Variants in NLRP4 observed in about 807,000 individuals in gnomAD.
NLRP4 encodes NACHT, LRR and PYD domains-containing protein 4.
In NLRP4, 44 loss-of-function variants were observed where a neutral mutation model predicts 84.7. The ratio of observed to expected loss-of-function variants is 0.52; its 90% CI spans 0.41 to 0.67. NLRP4 has a LOEUF of 0.67. Among genes scored for constraint, NLRP4 ranks in the 30% least tolerant of loss-of-function variants. The pLI is 0.00. For synonymous variants in NLRP4, 544 were observed against 476.4 expected (o/e 1.14, Z -1.85); for missense variants, 1,260 against 1,219.4 (o/e 1.03, Z -0.50).
intron 7 of NLRP4, among the ~76,000 whole-genome samples, chr19:55,876,232 ACCT>A (rs1379830502): frequency 6.6e-6 from 1 of 152,116 alleles, no homozygotes; most frequent in East Asian, 1.9e-4. Context: ...GAGAGGATAG[ACCT>A]CCAACAAACG....
intron 7 of NLRP4, among the ~76,000 whole-genome samples, chr19:55,876,362 G>A (rs1985371774): frequency 6.6e-6 from 1 of 152,048 alleles, no homozygotes; most frequent in Non-Finnish European, 1.5e-5. Flanking sequence ...CATAGTGTGT[G>A]TTTTGAGACA....
chr19:55,849,978 CGGTGTAATTTCCGAGACT>C (rs1568658270), intron 1 of NLRP4, among the ~76,000 whole-genome samples: 1 of 110,178 alleles, frequency 9.1e-6, no homozygotes, highest in African/African-American at 5.4e-5. Flanking sequence ...TCCGTAGCTG[CGGTGTAATTTCCGAGACT>C]GCGGTGTGAT....
At chr19:55,854,997 T>G (rs1984355814) in intron 2 of NLRP4, among the ~76,000 whole-genome samples, 1 of 152,196 alleles carries the variant, frequency 6.6e-6, no homozygotes, top group Admixed American at 6.5e-5. Flanking sequence ...GGGCTAGGAT[T>G]ACAGGTGTGA....
chr19:55,879,076 T>G, intron 9 of NLRP4, 112 bp downstream of exon 9: 3 of 837,804 alleles, frequency 3.6e-6, no homozygotes, highest in Non-Finnish European at 5.6e-6. Flanking sequence ...ATGTTCCTTG[T>G]CTCAGGGTTG....
At chr19:55,856,659 GCACA>G (rs1241436486) in intron 2 of NLRP4, among the ~76,000 whole-genome samples, 6 of 151,774 alleles carry the variant, frequency 4.0e-5, no homozygotes, top group Admixed American at 1.3e-4. Context: ...GGGACTACAG[GCACA>G]CACCACCACG....
At chr19:55,849,951 GAGAC>G (rs1568658152) in intron 1 of NLRP4, among the ~76,000 whole-genome samples, 2 of 128,762 alleles carry the variant, frequency 1.6e-5, no homozygotes, top group African/African-American at 3.1e-5. Flanking sequence ...TGTAATTTCC[GAGAC>G]TGCGGTGTAA....
chr19:55,862,234 C>G, intron 5 of NLRP4, 75 bp downstream of exon 5: 1 of 773,700 alleles, frequency 1.3e-6, no homozygotes, highest in Non-Finnish European at 2.0e-6. Context: ...TTATTGAGAC[C>G]ACTGATTAGG....
In NLRP4 at chr19:55,849,959, G is replaced by A. The variant is rs1042627594; in HGVS notation, c.-65-2057G>A. 2.4e-4 allele frequency among the ~76,000 whole-genome samples: 36 copies of A among 147,394 alleles called. 2 individuals are homozygous for A. Among genetic ancestry groups the A allele is most frequent in the Middle Eastern group, 3.6e-3 (1 of 280 alleles). On this transcript the variant is annotated intron_variant, in intron 1 of 9. Coordinates refer to ENST00000301295, the MANE Select transcript of NLRP4 (RefSeq NM_134444.5). ...GCCGCGGTGTAATTTCCGAGACTGC[G>A]GTGTAATTTCCGTAGCTGCGGTGTA...
At chr19:55,856,747 T>C (rs1010200635) in intron 2 of NLRP4, among the ~76,000 whole-genome samples, 5 of 152,090 alleles carry the variant, frequency 3.3e-5, no homozygotes, top group East Asian at 1.9e-4. Flanking sequence ...ATCTCTTGAC[T>C]TCATGATCTG....
rs1043442416 is a variant in NLRP4 at position 55,840,334 on chromosome 19, GTGTATGTGTA to G, written c.-66+3404_-66+3413del. 1.8e-4 allele frequency among the ~76,000 whole-genome samples: 22 copies of G among 120,208 alleles called. 1 individual carries two copies. The South Asian group carries it at 3.0e-3, about 16-fold the overall frequency. 78.9% of individuals were successfully genotyped at this position (120,208 alleles called of 152,430 possible). On this transcript the variant is annotated intron_variant, in intron 1 of 9. Coordinates refer to ENST00000301295, the MANE Select transcript of NLRP4 (RefSeq NM_134444.5). ...CGGGGGTGTGTGTGTATAGACATAT[GTGTATGTGTA>G]TGTGTGTGTGTGTGTGTGTGTGTGT...
chr19:55,858,201 C>G lies in NLRP4; in HGVS notation c.808C>G (p.Leu270Val). ...GAGCAGTTTGCTGAGGAAGAAGATGCTCCCGGAGGCCTCCCTGCTCATCGC... is the reference window on the plus strand; with the variant it reads ...GAGCAGTTTGCTGAGGAAGAAGATGGTCCCGGAGGCCTCCCTGCTCATCGC... ...LLSSLLRKKM[L>V]PEASLLIAIK... Residue 270 changes from leucine to valine, a missense_variant, in exon 3 of 10, where the codon CTC (leucine) becomes GTC (valine). Leu to Val is a conservative substitution (Grantham distance 32). Around this residue, in one of 3 missense-constraint regions of NLRP4, gnomAD observed 712 missense variants for 669.2 expected, o/e 1.06. Transcript: ENST00000301295. The surrounding 1 kb of genome is among the most constrained non-coding windows in gnomAD (Gnocchi z 4.2). 6.2e-7 allele frequency: 1 copy of G among 1,614,150 alleles called. No homozygotes were observed. Among genetic ancestry groups the G allele is most frequent in the Non-Finnish European group, 8.5e-7 (1 of 1,180,018 alleles).
chr19:55,881,136 CGTGTGTGTGT>C (rs56806641), intron 9 of NLRP4, among the ~76,000 whole-genome samples: 2 of 139,584 alleles, frequency 1.4e-5, no homozygotes, highest in Non-Finnish European at 3.1e-5. Context: ...GTGAGAGCCA[CGTGTGTGTGT>C]GTGTGTGTGT....
intron 1 of NLRP4, among the ~76,000 whole-genome samples, chr19:55,847,025 A>AGGG (rs1983825044): frequency 6.6e-6 from 1 of 152,158 alleles, no homozygotes; most frequent in Non-Finnish European, 1.5e-5. Flanking sequence ...CCCAGGTTCA[A>AGGG]GAGATTCTCA....
At chr19:55,861,698 T>A in intron 4 of NLRP4, 151 bp downstream of exon 4, 1 of 713,586 alleles carries the variant, frequency 1.4e-6, no homozygotes, top group Non-Finnish European at 2.4e-6. Flanking sequence ...CTCATGCAGA[T>A]CATTCTTCAT....
At chr19:55,871,491 T>G (rs1217896150) in intron 7 of NLRP4, among the ~76,000 whole-genome samples, 1 of 152,208 alleles carries the variant, frequency 6.6e-6, no homozygotes. Flanking sequence ...AAAGACTTAA[T>G]TTCATGTTAT....
At chr19:55,860,720 G>T (rs2123039351) in intron 3 of NLRP4, among the ~76,000 whole-genome samples, 1 of 152,338 alleles carries the variant, frequency 6.6e-6, no homozygotes, top group East Asian at 1.9e-4. Context: ...TTAGGGCTGA[G>T]CCTAGGCTGA....
chr19:55,853,791 TTCTCTC>T (rs746686465), intron 2 of NLRP4, among the ~76,000 whole-genome samples: 2 of 124,518 alleles, frequency 1.6e-5, no homozygotes, highest in Non-Finnish European at 3.2e-5. Flanking sequence ...CTGTCTCTCT[TTCTCTC>T]TCTCTCTCTT....
chr19:55,837,766 T>G (rs190040336), intron 1 of NLRP4, among the ~76,000 whole-genome samples: 100 of 152,288 alleles, frequency 6.6e-4, no homozygotes, highest in Middle Eastern at 3.4e-3. Flanking sequence ...CTGGGTGTGG[T>G]GGCTCATGCC....
At chr19:55,857,453 A>AG (rs1984485440) in intron 2 of NLRP4, 1 of 572,692 alleles carries the variant, frequency 1.7e-6, no homozygotes, top group African/African-American at 1.9e-5. Flanking sequence ...ATAGCTGTTC[A>AG]GCTCTGCTAT....
Sources: allele counts gnomAD v4.1 joint callset (sites outside exome capture counted in the v4.1 genomes callset), GRCh38; gene constraint gnomAD v4.1.1; regional missense constraint gnomAD v4.1.1; non-coding constraint Gnocchi (gnomAD v3.1); transcripts MANE v1.5; gene names NCBI Gene and HGNC (gene_info 2026-07-23, HGNC 2026-07-21).